EP300: variants seen among roughly 807,000 people sequenced by gnomAD.
EP300 encodes histone acetyltransferase p300.
In EP300, 31 loss-of-function variants were observed where a neutral mutation model predicts 264.0. That is an observed-to-expected ratio of 0.12 (90% CI 0.09 to 0.16). EP300 has a LOEUF of 0.16. Ranked by LOEUF, EP300 falls within the 10% of genes least tolerant of loss-of-function variation. The pLI is 1.00. For synonymous variants in EP300, 1,340 were observed against 1,045.4 expected (o/e 1.28, Z -5.44); for missense variants, 2,766 against 3,052.9 (o/e 0.91, Z 2.21).
At chr22:41,161,375 T>C (rs1260745669) in intron 20 of EP300, among the ~76,000 whole-genome samples, 1 of 152,190 alleles carries the variant, frequency 6.6e-6, no homozygotes, top group African/African-American at 2.4e-5. Flanking sequence ...CTCAGCACTT[T>C]GGGAGGCCAA....
Position 41,178,328 on chromosome 22 carries a change from C to G in EP300, c.6617C>G (p.Ala2206Gly), listed in dbSNP as rs2145521516. 1 of 1,614,140 alleles carries G rather than the reference C, an allele frequency of 6.2e-7. No individual in the cohort carries two copies. Among genetic ancestry groups the G allele is most frequent in the Non-Finnish European group, 8.5e-7 (1 of 1,180,016 alleles). The change falls in exon 31 of 31, where the codon GCC becomes GGC. Residue 2206 changes from alanine (A) to glycine (G), a missense_variant. Ala to Gly is a moderately conservative substitution (Grantham distance 60, BLOSUM62 0). Coordinates refer to ENST00000263253, the MANE Select transcript of EP300 (RefSeq NM_001429.4). Reference protein sequence around the residue: ...GAGPGIGPGMANHNQFQQPQG... With the variant: ...GAGPGIGPGMGNHNQFQQPQG... ...GGGCCAGGAATAGGCCCTGGAATGG[C>G]CAACCATAACCAGTTCCAGCAACCC...
At chr22:41,128,420 C>T (rs2145711269) in intron 4 of EP300, among the ~76,000 whole-genome samples, 1 of 151,890 alleles carries the variant, frequency 6.6e-6, no homozygotes, top group East Asian at 1.9e-4. Flanking sequence ...GACATCATAC[C>T]ACTGCACTCC....
chr22:41,126,343 C>T (rs895929741), intron 3 of EP300: 17 of 309,706 alleles, frequency 5.5e-5, no homozygotes, highest in South Asian at 9.4e-5. Context: ...CCATACGATA[C>T]GAAAGCGGAA....
Position 41,129,018 on chromosome 22 carries a change from G to GTT in EP300, c.1169-863_1169-862dup, listed in dbSNP as rs545122020. ...TATTTTAGGAAATGATAAAAACACA[G>GTT]TTTTTTTTTTGAGATGGAGTCTCGC... On this transcript the variant is annotated intron_variant, in intron 4 of 30. Transcript: ENST00000263253. Among the ~76,000 whole-genome samples, 917 of 147,548 alleles carry GTT rather than the reference G, an allele frequency of 6.2e-3. 6 individuals are homozygous for GTT. Among genetic ancestry groups the GTT allele is most frequent in the African/African-American group, 0.022 (879 of 40,370 alleles).
intron 1 of EP300, among the ~76,000 whole-genome samples, chr22:41,094,477 C>T (rs981125252): frequency 1.6e-4 from 25 of 152,284 alleles, no homozygotes; most frequent in African/African-American, 5.3e-4. Context: ...AGGAATCTTG[C>T]GAGTTCCTCT....
chr22:41,102,463 C>A (rs1363859338), intron 1 of EP300, among the ~76,000 whole-genome samples: 1 of 152,102 alleles, frequency 6.6e-6, no homozygotes, highest in African/African-American at 2.4e-5. Context: ...TTCTGGGAAC[C>A]TGTGAGTGCT....
chr22:41,118,319 C>G (rs1055307763), intron 2 of EP300, among the ~76,000 whole-genome samples: 1 of 152,030 alleles, frequency 6.6e-6, no homozygotes, highest in Non-Finnish European at 1.5e-5. Flanking sequence ...TTTCAGTGAA[C>G]CAGAACTTGG....
At chr22:41,170,382 T>C (rs1374755524) in intron 26 of EP300, 24 bp from the exon 27 acceptor site, 16 of 1,607,718 alleles carry the variant, frequency 1.0e-5, no homozygotes, top group African/African-American at 1.3e-5. Context: ...TTTTCCTTAA[T>C]GTTCTTTCTC....
At chr22:41,147,335 T>C (rs1431570649) in intron 11 of EP300, among the ~76,000 whole-genome samples, 2 of 151,070 alleles carry the variant, frequency 1.3e-5, no homozygotes, top group Non-Finnish European at 2.9e-5. Context: ...TTGTAAAATT[T>C]GTAAAATTCA....
Position 41,178,850 on chromosome 22 carries a change from C to T in EP300, c.7139C>T (p.Pro2380Leu), listed in dbSNP as rs587778259. The change falls in exon 31 of 31, where the codon CCA (proline) becomes CTA (leucine). Residue 2380 changes from proline (P) to leucine (L), a missense_variant. By Grantham distance (98) the Pro-to-Leu change is moderately conservative. Transcript: ENST00000263253. ...NSMLSQLASNPGMANLHGASA... is the reference protein window; with the variant it reads ...NSMLSQLASNLGMANLHGASA... Reference sequence around the variant, plus strand: ...ATGCTTTCTCAGCTTGCTAGCAATCCAGGCATGGCAAACCTCCATGGTGCA... The same window carrying T: ...ATGCTTTCTCAGCTTGCTAGCAATCTAGGCATGGCAAACCTCCATGGTGCA... 11 of 1,614,104 alleles carry T rather than the reference C, an allele frequency of 6.8e-6. No individual in the cohort carries two copies. The Admixed American group carries it at 1.2e-4, about 17-fold the overall frequency.
Position 41,117,121 on chromosome 22 carries a change from A to G in EP300, c.95-66A>G. The G allele has an allele frequency of 9.6e-6, 13 of 1,349,908 alleles. No homozygotes were observed. The South Asian group carries it at 1.4e-4, about 15-fold the overall frequency. 83.6% of individuals were successfully genotyped at this position (1,349,908 alleles called of 1,614,324 possible). A position where few individuals can be genotyped will look rare whatever the true frequency, so the allele number is the denominator to read the frequency against. On this transcript the variant is annotated intron_variant, in intron 1 of 30. Coordinates refer to ENST00000263253, the MANE Select transcript of EP300 (RefSeq NM_001429.4). ...TGACATTTAATGCTTATTGAGAACA[A>G]TATAGAGCAGTTTTTTATTTTGGTT...
rs749490387 is a variant in EP300, at chr22:41,178,952, A to G, written c.7241A>G (p.His2414Arg). 3.7e-6 allele frequency: 6 copies of G among 1,608,900 alleles called. No homozygotes were observed. Among genetic ancestry groups the G allele is most frequent in the African/African-American group, 1.3e-5 (1 of 74,596 alleles). Residue 2414 changes from histidine to arginine, a missense_variant, in exon 31 of 31, where the codon CAC becomes CGC. His to Arg is a conservative substitution (Grantham distance 29). Coordinates refer to ENST00000263253, the MANE Select transcript of EP300 (RefSeq NM_001429.4). The stretch of plus-strand genomic sequence containing the variant: ...CTCTCACAGAGTACACTAGACATAC[A>G]CTAGAGACACCTTGTAGTATTTTGG... Reference protein sequence around the residue: ...SNLSQSTLDIH With the variant: ...SNLSQSTLDIR
chr22:41,130,072 C>T, intron 5 of EP300, 69 bp downstream of exon 5: 1 of 1,143,972 alleles, frequency 8.7e-7, no homozygotes, highest in South Asian at 1.2e-5. Context: ...ATTTATAGTA[C>T]TACTTGATTA....
Position 41,149,902 on chromosome 22 carries a change from A to G in EP300, c.2521A>G (p.Thr841Ala). ...CTCGCCTGTACCTAGTCGTACCCCC[A>G]CCCCTCACCATACTCCCCCAAGCAT... is the stretch of plus-strand genomic sequence containing the variant. ...SPSPVPSRTP[T>A]PHHTPPSIGA... Residue 841 changes from threonine (T) to alanine (A), a missense_variant, in exon 14 of 31, where the codon ACC becomes GCC. Coordinates refer to ENST00000263253, the MANE Select transcript of EP300 (RefSeq NM_001429.4). 6.2e-7 allele frequency: 1 copy of G among 1,606,552 alleles called. No homozygotes were observed. The highest frequency in any genetic ancestry group is 8.5e-7 in the Non-Finnish European group (1 of 1,177,952).
chr22:41,170,653 C>CTTTTTATTTAACTTT lies in EP300; in HGVS notation c.4452+87_4452+88insATTTAACTTTTTTTT. Reference sequence around the variant, plus strand: ...TGCTGCTCTTTGTTCTGTCATTTAACTTTTTTTTTTTTTTTTTTTTTTTTT... The same window carrying CTTTTTATTTAACTTT: ...TGCTGCTCTTTGTTCTGTCATTTAACTTTTTATTTAACTTTTTTTTTTTTTTTTTTTTTTTTTTTT... On this transcript the variant is annotated intron_variant, in intron 27 of 30. Coordinates refer to ENST00000263253, the MANE Select transcript of EP300 (RefSeq NM_001429.4). 4 of 390,530 alleles carry CTTTTTATTTAACTTT rather than the reference C, an allele frequency of 1.0e-5. No individual in the cohort carries two copies. In the East Asian group the frequency reaches 2.3e-4, roughly 22 times the overall value. 24.2% of individuals were successfully genotyped at this position (390,530 alleles called of 1,614,324 possible). A position where few individuals can be genotyped will look rare whatever the true frequency, so the allele number is the denominator to read the frequency against.
intron 10 of EP300, among the ~76,000 whole-genome samples, chr22:41,146,332 T>C (rs1338475002): frequency 6.6e-6 from 1 of 152,036 alleles, no homozygotes; most frequent in Non-Finnish European, 1.5e-5. Flanking sequence ...GCCTGGCTAA[T>C]TTTTTTGTAT....
chr22:41,174,172 C>T (rs916310239), intron 29 of EP300, among the ~76,000 whole-genome samples: 2 of 152,132 alleles, frequency 1.3e-5, no homozygotes, highest in African/African-American at 4.8e-5. Context: ...TGGCTCATGC[C>T]TGTAATCCCA....
At chr22:41,136,049 T>G in intron 7 of EP300, 143 bp downstream of exon 7, 1 of 732,946 alleles carries the variant, frequency 1.4e-6, no homozygotes, top group Non-Finnish European at 2.4e-6. Context: ...TCTTTCTTTT[T>G]TCGCTCTGTA....
chr22:41,140,273 T>C lies in EP300; in HGVS notation c.1878+16T>C. On this transcript the variant is annotated intron_variant, in intron 9 of 30. Coordinates refer to ENST00000263253, the MANE Select transcript of EP300 (RefSeq NM_001429.4). ...AAACAATCGAGTGAGTGTCTGGTTTTTTTCTATTAATAGCCAAGATTGAAC... is the reference window on the plus strand; with the variant it reads ...AAACAATCGAGTGAGTGTCTGGTTTCTTTCTATTAATAGCCAAGATTGAAC... 1 of 1,537,096 alleles carries C rather than the reference T, an allele frequency of 6.5e-7. No homozygotes were observed. The highest frequency in any genetic ancestry group is 9.0e-7 in the Non-Finnish European group (1 of 1,109,828).
Sources: allele counts gnomAD v4.1 joint callset (sites outside exome capture counted in the v4.1 genomes callset), GRCh38; gene constraint gnomAD v4.1.1; transcripts MANE v1.5; gene names NCBI Gene and HGNC (gene_info 2026-07-23, HGNC 2026-07-21).